The following SLC4A10 variants were observed in gnomAD, a reference collection of about 807,000 sequenced individuals.
SLC4A10 encodes sodium-driven chloride bicarbonate exchanger.
A neutral mutation model predicts 137.7 loss-of-function variants in SLC4A10; 42 were observed. The observed-to-expected ratio is 0.30, with a 90% CI of 0.24 to 0.39. The LOEUF (loss-of-function observed/expected upper bound fraction) is 0.39. Among genes scored for constraint, SLC4A10 ranks in the 10% least tolerant of loss-of-function variants. The pLI, the probability that SLC4A10 is intolerant of heterozygous loss-of-function variation, is 1.00. For missense variants in SLC4A10, 925 were observed against 1,355.0 expected, an observed-to-expected ratio of 0.68 and a Z score of 4.98; for synonymous variants, 474 against 464.1, an observed-to-expected ratio of 1.02 and a Z score of -0.27.
intron 1 of SLC4A10, among the ~76,000 whole-genome samples, chr2:161,665,416 A>G (rs1403616273): frequency 1.3e-5 from 2 of 151,734 alleles, no homozygotes; most frequent in Admixed American, 1.3e-4. Context: ...TTTTGTCCCA[A>G]TGTTGGTGGA....
intron 1 of SLC4A10, among the ~76,000 whole-genome samples, chr2:161,685,505 G>A (rs999375897): frequency 6.6e-6 from 1 of 152,132 alleles, no homozygotes; most frequent in East Asian, 1.9e-4. Flanking sequence ...CTACTTGGGA[G>A]GCTGAGACAT....
Position 161,819,915 on chromosome 2 carries a change from G to A in SLC4A10, c.277+15320G>A, listed in dbSNP as rs543748262. Among the ~76,000 whole-genome samples the A allele has an allele frequency of 5.9e-5, 9 of 152,304 alleles. No individual in the cohort carries two copies. The East Asian group carries it at 1.7e-3, about 29-fold the overall frequency. On this transcript the variant is annotated intron_variant, in intron 3 of 26. Transcript: ENST00000446997. ...AGTTTGAAGCATAAGCTTGAAGTCA[G>A]TGAAAATATGAAAGATGATGAGGGA...
rs61761954 is a variant in SLC4A10, at chr2:161,964,215, A to C, written c.2943A>C (p.Arg981=). 4.3e-6 allele frequency: 7 copies of C among 1,613,514 alleles called. No individual in the cohort carries two copies. The highest frequency in any genetic ancestry group is 1.3e-5 in the African/African-American group (1 of 74,930). Residue 981 remains arginine, a synonymous_variant, in exon 22 of 27, where the codon CGA becomes CGC. Coordinates refer to ENST00000446997, the MANE Select transcript of SLC4A10 (RefSeq NM_001178015.2). ...DFIYLRHVPL[R]KVHLFTIIQM... ...TATACCTAAGGCACGTACCGCTTCG[A>C]AAAGTGCATCTCTTCACAATTATTC... is the stretch of plus-strand genomic sequence containing the variant.
intron 2 of SLC4A10, among the ~76,000 whole-genome samples, chr2:161,802,543 T>G (rs989219865): frequency 3.9e-5 from 6 of 152,136 alleles, no homozygotes; most frequent in Non-Finnish European, 8.8e-5. Flanking sequence ...CAATTTCAAT[T>G]ACATGTCTTC....
At chr2:161,812,268 A>G (rs1207207232) in intron 3 of SLC4A10, among the ~76,000 whole-genome samples, 2 of 152,070 alleles carry the variant, frequency 1.3e-5, no homozygotes, top group Non-Finnish European at 2.9e-5. Context: ...ACATTTTCCT[A>G]TTATGTTTCA....
chr2:161,648,861 T>G (rs183379974), intron 1 of SLC4A10, among the ~76,000 whole-genome samples: 1 of 152,232 alleles, frequency 6.6e-6, no homozygotes, highest in African/African-American at 2.4e-5. Flanking sequence ...TCTCTATTGA[T>G]GGGCATTTAG....
At chr2:161,859,100 G>A (rs983222504) in intron 5 of SLC4A10, among the ~76,000 whole-genome samples, 1 of 151,846 alleles carries the variant, frequency 6.6e-6, no homozygotes, top group Non-Finnish European at 1.5e-5. Flanking sequence ...TAAGACAATG[G>A]GTTTTCAAAG....
chr2:161,663,427 T>C (rs2038679788), intron 1 of SLC4A10, among the ~76,000 whole-genome samples: 1 of 152,186 alleles, frequency 6.6e-6, no homozygotes, highest in Non-Finnish European at 1.5e-5. Flanking sequence ...CACCTTTTCA[T>C]TTTCTTTCTG....
intron 1 of SLC4A10, among the ~76,000 whole-genome samples, chr2:161,678,348 CT>C (rs2040485925): frequency 6.6e-6 from 1 of 152,182 alleles, no homozygotes; most frequent in Non-Finnish European, 1.5e-5. Context: ...TAGAGAGGAA[CT>C]TGTACTGTAC....
chr2:161,694,999 A>G (rs545329238), intron 1 of SLC4A10, among the ~76,000 whole-genome samples: 1 of 152,136 alleles, frequency 6.6e-6, no homozygotes, highest in South Asian at 2.1e-4. Context: ...ATCTATAAAC[A>G]AAAAAAGACT....
At chr2:161,709,881 C>T (rs1254556251) in intron 1 of SLC4A10, 3 of 151,506 alleles carry the variant, frequency 2.0e-5, no homozygotes, top group African/African-American at 7.3e-5. Flanking sequence ...TGTTAGAGAA[C>T]TTTTCAGGTA....
intron 24 of SLC4A10, among the ~76,000 whole-genome samples, chr2:161,974,727 A>C (rs537943435): frequency 6.6e-6 from 1 of 152,202 alleles, no homozygotes; most frequent in Non-Finnish European, 1.5e-5. Flanking sequence ...TTCCAATGAC[A>C]TAATCTATTT....
At chr2:161,689,902 ATGCTC>A (rs1046433414) in intron 1 of SLC4A10, among the ~76,000 whole-genome samples, 1 of 152,144 alleles carries the variant, frequency 6.6e-6, no homozygotes, top group African/African-American at 2.4e-5. Context: ...TCTTTTTGAC[ATGCTC>A]TGCCCTGAAC....
In SLC4A10 at chr2:161,949,201, T is replaced by C; in HGVS notation, c.2319T>C (p.Val773=). ...TCTTTCTTACAATTCTGTGTATGGT[T>C]TTAATTGACTATGCCATTGGGATCC... ...FAVFLTILCM[V]LIDYAIGIPS... is the part of the protein sequence containing the mutation. The change falls in exon 18 of 27, where the codon GTT becomes GTC. Residue 773 remains valine (V), a synonymous_variant. Transcript: ENST00000446997. 1 of 1,611,848 alleles carries C rather than the reference T, an allele frequency of 6.2e-7. No individual in the cohort carries two copies. Among genetic ancestry groups the C allele is most frequent in the Non-Finnish European group, 8.5e-7 (1 of 1,178,576 alleles).
chr2:161,731,345 T>C (rs2046804854), intron 1 of SLC4A10, among the ~76,000 whole-genome samples: 1 of 152,168 alleles, frequency 6.6e-6, no homozygotes, highest in African/African-American at 2.4e-5. Flanking sequence ...GCTAAAGTCA[T>C]GTTTAGAGGA....
chr2:161,755,832 G>A (rs374296619), intron 1 of SLC4A10, among the ~76,000 whole-genome samples: 4 of 150,066 alleles, frequency 2.7e-5, no homozygotes, highest in African/African-American at 7.4e-5. Context: ...GTGCAATGGC[G>A]CAATCTCGGC....
chr2:161,795,116 T>G (rs369834115), intron 2 of SLC4A10, among the ~76,000 whole-genome samples: 15 of 152,248 alleles, frequency 9.9e-5, no homozygotes, highest in South Asian at 8.3e-4. Flanking sequence ...CCCTCTGTGT[T>G]TCTGTGCCTC....
chr2:161,818,445 T>C (rs2057316494), intron 3 of SLC4A10, among the ~76,000 whole-genome samples: 1 of 151,902 alleles, frequency 6.6e-6, no homozygotes, highest in South Asian at 2.1e-4. Flanking sequence ...ATGTGACTTC[T>C]TTTCCTAATT....
chr2:161,835,039 CTTTT>C (rs5835884), intron 3 of SLC4A10, among the ~76,000 whole-genome samples: 16 of 135,212 alleles, frequency 1.2e-4, no homozygotes, highest in Non-Finnish European at 1.4e-4. Flanking sequence ...GACTATATGT[CTTTT>C]TTTTTTTTTT....
Sources: allele counts gnomAD v4.1 joint callset (sites outside exome capture counted in the v4.1 genomes callset), GRCh38; gene constraint gnomAD v4.1.1; transcripts MANE v1.5; gene names NCBI Gene and HGNC (gene_info 2026-07-23, HGNC 2026-07-21).